Variants in CDH11 observed in about 807,000 individuals in gnomAD.
CDH11 encodes cadherin-11.
CDH11 carries 11 observed loss-of-function variants against 67.8 expected under a neutral mutation model. That is an observed-to-expected ratio of 0.16 (90% CI 0.10 to 0.27). CDH11 has a LOEUF of 0.27. CDH11 is among the 10% of genes least tolerant of loss of function. The pLI is 1.00. For synonymous variants in CDH11, 419 were observed against 400.0 expected (o/e 1.05, Z -0.57); for missense variants, 847 against 1,031.2 (o/e 0.82, Z 2.45).
In CDH11 at chr16:65,003,603, C is replaced by G. The variant is rs2072978419; in HGVS notation, c.228+1039G>C. On this transcript the variant is annotated intron_variant, in intron 3 of 12. Coordinates refer to ENST00000268603, the MANE Select transcript of CDH11 (RefSeq NM_001797.4). ...AATGTCACTATCATCTGAAAGATAA[C>G]TGTACATTTTACTCAAATGCTAGTG... 2.0e-5 allele frequency among the ~76,000 whole-genome samples: 3 copies of G among 152,176 alleles called. No homozygotes were observed. The South Asian group carries it at 6.2e-4, about 32-fold the overall frequency.
intron 1 of CDH11, among the ~76,000 whole-genome samples, chr16:65,101,538 A>AT (rs2074992119): frequency 6.6e-6 from 1 of 150,886 alleles, no homozygotes; most frequent in African/African-American, 2.4e-5. Flanking sequence ...TATTTTTTCT[A>AT]TTTTCCTTCT....
chr16:65,054,323 C>T (rs1291901931), intron 1 of CDH11, among the ~76,000 whole-genome samples: 1 of 152,174 alleles, frequency 6.6e-6, no homozygotes, highest in Non-Finnish European at 1.5e-5. Context: ...GCAATGTCTT[C>T]CTTCCTAAAG....
chr16:65,015,934 A>T (rs1344547147), intron 2 of CDH11, among the ~76,000 whole-genome samples: 1 of 152,176 alleles, frequency 6.6e-6, no homozygotes, highest in Admixed American at 6.5e-5. Flanking sequence ...TCCTGTGCCC[A>T]TAATCCACCA....
At chr16:65,027,652 A>G (rs1405845359) in intron 2 of CDH11, among the ~76,000 whole-genome samples, 1 of 152,244 alleles carries the variant, frequency 6.6e-6, no homozygotes, top group African/African-American at 2.4e-5. Flanking sequence ...TGTCCACGAC[A>G]GAAAGGCTTG....
At chr16:64,966,824 G>C (rs797018999) in intron 11 of CDH11, among the ~76,000 whole-genome samples, 5 of 152,244 alleles carry the variant, frequency 3.3e-5, no homozygotes, top group African/African-American at 1.2e-4. Context: ...TAAAACATTA[G>C]GAAAATCTAT....
intron 1 of CDH11, among the ~76,000 whole-genome samples, chr16:65,112,934 C>T (rs575810984): frequency 2.0e-5 from 3 of 152,256 alleles, no homozygotes; most frequent in South Asian, 4.1e-4. Context: ...AACAAATGAA[C>T]TAATGATACG....
intron 1 of CDH11, among the ~76,000 whole-genome samples, chr16:65,114,892 G>A (rs773735262): frequency 1.5e-4 from 23 of 152,110 alleles, no homozygotes; most frequent in Non-Finnish European, 3.1e-4. Context: ...AACCCACAAG[G>A]CAGGTCCAGG....
In CDH11 at chr16:65,092,990, G is replaced by GC. The variant is rs542984772; in HGVS notation, c.-298+28889dup. Among the ~76,000 whole-genome samples the GC allele has an allele frequency of 1.5e-4, 22 of 146,856 alleles. No individual in the cohort carries two copies. The South Asian group carries it at 4.5e-3, about 30-fold the overall frequency. The stretch of plus-strand genomic sequence containing the variant: ...CTCACTCTGTTGTCCAGGCTGGAGT[G>GC]CAGTGGCGTGATCTTGGCCCACTGC... On this transcript the variant is annotated intron_variant, in intron 1 of 12. Transcript: ENST00000268603.
chr16:65,013,168 G>C (rs1012984570), intron 2 of CDH11, among the ~76,000 whole-genome samples: 1 of 152,098 alleles, frequency 6.6e-6, no homozygotes, highest in African/African-American at 2.4e-5. Flanking sequence ...AGCTGGCAGG[G>C]ATGCTCTGTA....
intron 3 of CDH11, among the ~76,000 whole-genome samples, chr16:64,999,091 A>T (rs2072848425): frequency 6.6e-6 from 1 of 152,160 alleles, no homozygotes. Flanking sequence ...TAATTCTAAG[A>T]TTCATGCTCT....
At chr16:64,955,060 T>C (rs926737648) in intron 11 of CDH11, among the ~76,000 whole-genome samples, 1 of 150,980 alleles carries the variant, frequency 6.6e-6, no homozygotes, top group Non-Finnish European at 1.5e-5. Context: ...TACTGGCTAA[T>C]GCGGTGAAAC....
chr16:64,945,998 C>A lies in CDH11; in HGVS notation c.*1605G>T. The stretch of plus-strand genomic sequence containing the variant: ...TTGGCCCAACTGAACAGGTGAAATG[C>A]CCTTCACATAAGTTTCAATCCCCAA... On this transcript the variant is annotated 3_prime_UTR_variant, in exon 13 of 13. Coordinates refer to ENST00000268603, the MANE Select transcript of CDH11 (RefSeq NM_001797.4). 1 of 1,058,856 alleles carries A rather than the reference C, an allele frequency of 9.4e-7. No individual in the cohort carries two copies. Among genetic ancestry groups the A allele is most frequent in the African/African-American group, 1.6e-5 (1 of 60,800 alleles). The allele number at this position is 1,058,856 out of a possible 1,614,324, so 65.6% of individuals were successfully genotyped here.
At position 64,982,130 on chromosome 16, in the gene CDH11, C is replaced by T. The variant is rs755899936; in HGVS notation, c.1171G>A (p.Glu391Lys). The stretch of plus-strand genomic sequence containing the variant: ...CCAGCAGCTGCATTTTCTTGGACTT[C>T]GTGGATGTAACTTGGGGCCAAGAAC... ...PMFLAPSYIHEVQENAAAGTV... is the reference protein window; with the variant it reads ...PMFLAPSYIHKVQENAAAGTV... The change falls in exon 8 of 13, where the codon GAA (glutamate) becomes AAA (lysine). Residue 391 changes from glutamate (E) to lysine (K), a missense_variant. Around this residue, in one of 2 missense-constraint regions of CDH11, gnomAD observed 612 missense variants for 678.7 expected, o/e 0.90. Transcript: ENST00000268603. 1.5e-5 allele frequency: 24 copies of T among 1,613,918 alleles called. No homozygotes were observed. The highest frequency in any genetic ancestry group is 8.0e-5 in the African/African-American group (6 of 74,884).
chr16:65,101,875 G>A (rs1157520628), intron 1 of CDH11, among the ~76,000 whole-genome samples: 1 of 152,200 alleles, frequency 6.6e-6, no homozygotes, highest in African/African-American at 2.4e-5. Context: ...CAGTGTGAAT[G>A]ACTTTCGCTA....
chr16:64,998,757 T>C lies in CDH11; in HGVS notation c.328A>G (p.Ile110Val). The C allele has an allele frequency of 6.2e-7, 1 of 1,614,194 alleles. No homozygotes were observed. ...CGATCCAACGTCTTGGTGGCATGAA[T>C]GTTCCCTGATTTGTCATCAATCACA... ...IFVIDDKSGN[I>V]HATKTLDREE... Residue 110 changes from isoleucine to valine, a missense_variant, in exon 4 of 13, where the codon ATT becomes GTT. Coordinates refer to ENST00000268603, the MANE Select transcript of CDH11 (RefSeq NM_001797.4).
chr16:65,037,741 A>G (rs1247832287), intron 2 of CDH11, among the ~76,000 whole-genome samples: 2 of 152,042 alleles, frequency 1.3e-5, no homozygotes, highest in Non-Finnish European at 2.9e-5. Context: ...AGAAGACGAG[A>G]GTGCCAAGAC....
chr16:65,096,035 CATA>C (rs2074884467), intron 1 of CDH11, among the ~76,000 whole-genome samples: 1 of 152,070 alleles, frequency 6.6e-6, no homozygotes, highest in Admixed American at 6.5e-5. Context: ...GGCATTTTGC[CATA>C]ATTTCTCTAC....
At chr16:65,069,262 G>A (rs1266106736) in intron 1 of CDH11, among the ~76,000 whole-genome samples, 1 of 152,120 alleles carries the variant, frequency 6.6e-6, no homozygotes, top group Non-Finnish European at 1.5e-5. Context: ...TTTCCACATG[G>A]TTCATTATGA....
intron 11 of CDH11, among the ~76,000 whole-genome samples, chr16:64,965,967 T>C (rs560750337): frequency 1.3e-5 from 2 of 152,088 alleles, no homozygotes; most frequent in East Asian, 3.9e-4. Context: ...TGTAAATGTA[T>C]AGCTCAAACT....
Sources: allele counts gnomAD v4.1 joint callset (sites outside exome capture counted in the v4.1 genomes callset), GRCh38; gene constraint gnomAD v4.1.1; regional missense constraint gnomAD v4.1.1; transcripts MANE v1.5; gene names NCBI Gene and HGNC (gene_info 2026-07-23, HGNC 2026-07-21).